Variants in CHSY3 observed in about 807,000 individuals in gnomAD.
The protein encoded by CHSY3 is chondroitin sulfate synthase 3.
In CHSY3, 35 loss-of-function variants were observed where a neutral mutation model predicts 67.2. The observed-to-expected ratio is 0.52, with a 90% CI of 0.40 to 0.69. The LOEUF (loss-of-function observed/expected upper bound fraction) is 0.69, where lower values mean the gene tolerates loss of function less well. CHSY3 is among the 30% of genes least tolerant of loss of function. The pLI is 0.00. For synonymous variants in CHSY3, 474 were observed against 434.7 expected, an observed-to-expected ratio of 1.09 and a Z score of -1.12; for missense variants, 1,069 against 1,138.5, an observed-to-expected ratio of 0.94 and a Z score of 0.88.
At chr5:130,077,092 T>A (rs1341686941) in intron 2 of CHSY3, among the ~76,000 whole-genome samples, 1 of 148,836 alleles carries the variant, frequency 6.7e-6, no homozygotes, top group African/African-American at 2.5e-5. Context: ...AAACTTAAAG[T>A]ATAATAATAA....
chr5:129,977,601 A>G (rs1762849898), intron 2 of CHSY3, among the ~76,000 whole-genome samples: 1 of 152,188 alleles, frequency 6.6e-6, no homozygotes, highest in African/African-American at 2.4e-5. Flanking sequence ...GAATGAGATG[A>G]GCATAGCATT....
intron 2 of CHSY3, among the ~76,000 whole-genome samples, chr5:129,935,355 C>T (rs1336202878): frequency 6.6e-6 from 1 of 152,080 alleles, no homozygotes; most frequent in African/African-American, 2.4e-5. Context: ...TACTCTGTGT[C>T]CCTAAATTAG....
At chr5:130,137,369 A>G (rs1442923090) in intron 2 of CHSY3, among the ~76,000 whole-genome samples, 1 of 152,084 alleles carries the variant, frequency 6.6e-6, no homozygotes, top group East Asian at 1.9e-4. Flanking sequence ...ATGACCTTCT[A>G]AGTTTTCTCT....
intron 2 of CHSY3, among the ~76,000 whole-genome samples, chr5:130,010,178 A>G (rs1764012310): frequency 6.6e-6 from 1 of 152,182 alleles, no homozygotes; most frequent in Non-Finnish European, 1.5e-5. Context: ...AAGAGAATAT[A>G]TATTCTTCTC....
At chr5:130,048,309 A>G (rs1244857411) in intron 2 of CHSY3, among the ~76,000 whole-genome samples, 1 of 152,142 alleles carries the variant, frequency 6.6e-6, no homozygotes, top group Non-Finnish European at 1.5e-5. Context: ...AAATACATAT[A>G]TAAAATGAAA....
chr5:129,991,814 C>A (rs1465329693), intron 2 of CHSY3, among the ~76,000 whole-genome samples: 3 of 152,034 alleles, frequency 2.0e-5, no homozygotes, highest in Non-Finnish European at 4.4e-5. Context: ...ATCAGGGAAG[C>A]AGATAATTTT....
intron 2 of CHSY3, among the ~76,000 whole-genome samples, chr5:129,964,010 T>C (rs1762405834): frequency 6.6e-6 from 1 of 151,952 alleles, no homozygotes; most frequent in South Asian, 2.1e-4. Flanking sequence ...CCATCCTCAC[T>C]GTTTAGGATG....
chr5:129,979,116 C>A (rs1023737727), intron 2 of CHSY3, among the ~76,000 whole-genome samples: 2 of 139,234 alleles, frequency 1.4e-5, no homozygotes, highest in Non-Finnish European at 3.0e-5. Context: ...AGGAGAATAG[C>A]GTGAACCTGG....
At chr5:130,088,488 C>T (rs1282378696) in intron 2 of CHSY3, among the ~76,000 whole-genome samples, 4 of 151,840 alleles carry the variant, frequency 2.6e-5, no homozygotes, top group Admixed American at 2.6e-4. Context: ...TGACAAAGGG[C>T]TAATATCCAG....
intron 2 of CHSY3, among the ~76,000 whole-genome samples, chr5:130,046,349 A>G (rs1218929159): frequency 6.6e-6 from 1 of 152,126 alleles, no homozygotes; most frequent in Non-Finnish European, 1.5e-5. Flanking sequence ...TATAGAGTTA[A>G]AGCTTGAGGA....
intron 2 of CHSY3, among the ~76,000 whole-genome samples, chr5:129,980,623 G>A (rs1762953506): frequency 6.6e-6 from 1 of 151,836 alleles, no homozygotes; most frequent in East Asian, 1.9e-4. Flanking sequence ...TAAATTTATC[G>A]AAGTCCAGCT....
intron 2 of CHSY3, among the ~76,000 whole-genome samples, chr5:129,989,122 C>T (rs1417557902): frequency 6.6e-6 from 1 of 152,112 alleles, no homozygotes; most frequent in Non-Finnish European, 1.5e-5. Context: ...TTATAACAAA[C>T]AGAAACTTAC....
chr5:130,029,617 A>G (rs1348968296), intron 2 of CHSY3, among the ~76,000 whole-genome samples: 1 of 152,164 alleles, frequency 6.6e-6, no homozygotes, highest in Non-Finnish European at 1.5e-5. Context: ...GCAATATATT[A>G]TACACACATT....
chr5:129,988,718 C>G (rs1173760602), intron 2 of CHSY3, among the ~76,000 whole-genome samples: 1 of 152,126 alleles, frequency 6.6e-6, no homozygotes, highest in Non-Finnish European at 1.5e-5. Context: ...CTAATCAAGT[C>G]AAAGATATAA....
At chr5:130,084,258 C>T (rs147062883) in intron 2 of CHSY3, among the ~76,000 whole-genome samples, 24 of 152,034 alleles carry the variant, frequency 1.6e-4, no homozygotes, top group South Asian at 1.5e-3. Flanking sequence ...AACTTTTAAA[C>T]GGTGACTATA....
chr5:130,091,447 C>A (rs1385923250), intron 2 of CHSY3, among the ~76,000 whole-genome samples: 1 of 152,138 alleles, frequency 6.6e-6, no homozygotes, highest in Non-Finnish European at 1.5e-5. Context: ...AAGGAAAATT[C>A]TAAGTACTCA....
chr5:130,185,185 C>T lies in CHSY3; in HGVS notation c.2043C>T (p.Tyr681=). 6.2e-7 allele frequency: 1 copy of T among 1,611,006 alleles called. No individual in the cohort carries two copies. Among genetic ancestry groups the T allele is most frequent in the Non-Finnish European group, 8.5e-7 (1 of 1,177,224 alleles). ...IELIKGYQNK[Y]PKAEMTLIPM... ...TGATAAAAGGGTACCAGAACAAGTA[C>T]CCCAAAGCAGAAATGACCCTGATCC... Residue 681 remains tyrosine (Y), a synonymous_variant, in exon 3 of 3, where the codon TAC becomes TAT. Coordinates refer to ENST00000305031, the MANE Select transcript of CHSY3 (RefSeq NM_175856.5).
intron 2 of CHSY3, among the ~76,000 whole-genome samples, chr5:129,968,929 G>C (rs1762548878): frequency 6.6e-6 from 1 of 151,696 alleles, no homozygotes; most frequent in African/African-American, 2.4e-5. Context: ...TGGAGCCTGG[G>C]AATCTGTATG....
At chr5:130,122,773 G>A (rs964496225) in intron 2 of CHSY3, among the ~76,000 whole-genome samples, 1 of 152,198 alleles carries the variant, frequency 6.6e-6, no homozygotes, top group Non-Finnish European at 1.5e-5. Context: ...CCAGGAATAA[G>A]CTTGTTAAAG....
Sources: gnomAD v4.1 joint callset for allele counts (sites outside exome capture counted in the v4.1 genomes callset) on GRCh38, gnomAD v4.1.1 for gene constraint, MANE v1.5 for transcripts, NCBI Gene and HGNC (gene_info 2026-07-23, HGNC 2026-07-21) for gene names.